The following AKAP3 variants were observed in gnomAD, a reference collection of about 807,000 sequenced individuals.
The protein encoded by AKAP3 is A-kinase anchoring protein 3.
A neutral mutation model predicts 57.2 loss-of-function variants in AKAP3; 27 were observed. That is an observed-to-expected ratio of 0.47 (90% CI 0.35 to 0.65). The LOEUF (loss-of-function observed/expected upper bound fraction) is 0.65. AKAP3 is among the 30% of genes least tolerant of loss of function. AKAP3 has a pLI of 0.01. For synonymous variants in AKAP3, 334 were observed against 392.3 expected, an observed-to-expected ratio of 0.85 and a Z score of 1.76; for missense variants, 959 against 1,040.0, an observed-to-expected ratio of 0.92 and a Z score of 1.07.
At chr12:4,616,820 C>T (rs1291118982) in intron 5 of AKAP3, among the ~76,000 whole-genome samples, 1 of 151,898 alleles carries the variant, frequency 6.6e-6, no homozygotes, top group Non-Finnish European at 1.5e-5. Context: ...TAAACAGAGC[C>T]CAAGGACTTG....
Position 4,628,379 on chromosome 12 carries a change from CTA to C in AKAP3, c.521_522del (p.Ile174SerfsTer7), listed in dbSNP as rs1469489647. On this transcript the variant is annotated frameshift_variant, in exon 5 of 6. Coordinates refer to ENST00000228850, the MANE Select transcript of AKAP3 (RefSeq NM_001278309.2). LOFTEE classifies it high-confidence loss of function. ...ACGGTCTCATTCACAAGCTCTGATG[CTA>C]TCTTACTGAGGCTTTTGGTGGGTGT... Reference protein sequence around the residue: ...EPTPTKSLSKIASELVNETVS... With the variant: ...EPTPTKSLSKXASELVNETVS... 1 of 1,614,194 alleles carries C rather than the reference CTA, an allele frequency of 6.2e-7. No individual in the cohort carries two copies. Among genetic ancestry groups the C allele is most frequent in the Non-Finnish European group, 8.5e-7 (1 of 1,180,022 alleles).
At chr12:4,632,592 C>T (rs542135868) in intron 4 of AKAP3, among the ~76,000 whole-genome samples, 7 of 152,106 alleles carry the variant, frequency 4.6e-5, no homozygotes, top group Non-Finnish European at 8.8e-5. Context: ...GGCTTGACTT[C>T]CTAATCTCAG....
At chr12:4,641,062 CTTTTTTTTTTTT>C (rs374817430) in intron 3 of AKAP3, among the ~76,000 whole-genome samples, 918 of 68,764 alleles carry the variant, frequency 0.013, 19 homozygotes, top group African/African-American at 0.049. Flanking sequence ...TTCTAACTTC[CTTTTTTTTTTTT>C]TTTTTTTTTT....
At chr12:4,622,849 A>G (rs547412672) in intron 5 of AKAP3, among the ~76,000 whole-genome samples, 101 of 152,320 alleles carry the variant, frequency 6.6e-4, no homozygotes, top group Non-Finnish European at 1.0e-4. Context: ...GACAACCTAC[A>G]TAATGGAAGG....
intron 5 of AKAP3, among the ~76,000 whole-genome samples, chr12:4,622,584 G>T (rs150275446): frequency 8.5e-5 from 13 of 152,208 alleles, no homozygotes; most frequent in Non-Finnish European, 1.8e-4. Context: ...ATATACAGAA[G>T]ATTGAAACTG....
At position 4,638,089 on chromosome 12, in the gene AKAP3, G is replaced by A; in HGVS notation, c.96+12C>T. On this transcript the variant is annotated intron_variant, in intron 4 of 5. Coordinates refer to ENST00000228850, the MANE Select transcript of AKAP3 (RefSeq NM_001278309.2). ...TTCTTAACCTAGTGTTTATCAAGAG[G>A]TTGACCCTTACCATTTTCCAGTCCT... 1 of 1,591,112 alleles carries A rather than the reference G, an allele frequency of 6.3e-7. No homozygotes were observed. Among genetic ancestry groups the A allele is most frequent in the Non-Finnish European group, 8.6e-7 (1 of 1,159,150 alleles).
chr12:4,644,030 G>A (rs927442346), intron 2 of AKAP3, among the ~76,000 whole-genome samples: 1 of 152,168 alleles, frequency 6.6e-6, no homozygotes, highest in Non-Finnish European at 1.5e-5. Context: ...CTTCCTTTCT[G>A]TAAGTGCCTG....
intron 4 of AKAP3, among the ~76,000 whole-genome samples, chr12:4,633,967 ATTCTTTTT>A (rs1945532881): frequency 9.5e-6 from 1 of 105,004 alleles, no homozygotes; most frequent in African/African-American, 5.4e-5. Flanking sequence ...ACATATCTAT[ATTCTTTTT>A]TTTTTTTTTT....
At chr12:4,622,806 G>T (rs771479209) in intron 5 of AKAP3, among the ~76,000 whole-genome samples, 1 of 152,040 alleles carries the variant, frequency 6.6e-6, no homozygotes, top group African/African-American at 2.4e-5. Flanking sequence ...AAGAGCTTCT[G>T]CACATCAATA....
At chr12:4,636,855 T>G (rs1192312573) in intron 4 of AKAP3, among the ~76,000 whole-genome samples, 2 of 152,202 alleles carry the variant, frequency 1.3e-5, no homozygotes, top group Non-Finnish European at 2.9e-5. Flanking sequence ...GCTCAAGTGA[T>G]TCTCCTGCCT....
chr12:4,634,720 T>A (rs1945542386), intron 4 of AKAP3, among the ~76,000 whole-genome samples: 2 of 73,160 alleles, frequency 2.7e-5, no homozygotes, highest in Admixed American at 2.1e-4. Context: ...TGCATTTGAT[T>A]TTTTTTTTTA....
intron 4 of AKAP3, among the ~76,000 whole-genome samples, chr12:4,633,143 A>C (rs1171376459): frequency 2.6e-5 from 4 of 151,068 alleles, no homozygotes; most frequent in African/African-American, 9.7e-5. Context: ...AAAAACCCAA[A>C]CCTGTTGGGT....
intron 5 of AKAP3, among the ~76,000 whole-genome samples, chr12:4,626,171 T>C (rs948306305): frequency 2.6e-5 from 4 of 152,180 alleles, no homozygotes; most frequent in Non-Finnish European, 5.9e-5. Flanking sequence ...AATGCTGTCC[T>C]ATCCAAAACT....
chr12:4,632,409 T>C (rs945586169), intron 4 of AKAP3, among the ~76,000 whole-genome samples: 2 of 152,190 alleles, frequency 1.3e-5, no homozygotes, highest in Non-Finnish European at 1.5e-5. Flanking sequence ...TTTTGTGATA[T>C]AGAAAGAGTG....
At chr12:4,619,583 A>T (rs750728358) in intron 5 of AKAP3, among the ~76,000 whole-genome samples, 6 of 151,564 alleles carry the variant, frequency 4.0e-5, no homozygotes, top group Non-Finnish European at 8.8e-5. Flanking sequence ...ACAAAAAAAC[A>T]TAAGAAAAAA....
intron 4 of AKAP3, among the ~76,000 whole-genome samples, chr12:4,636,372 C>T (rs951455574): frequency 2.6e-5 from 4 of 152,192 alleles, no homozygotes. Flanking sequence ...GCTACCCTCA[C>T]CGACATTTCT....
At chr12:4,633,970 CTTTTTT>C (rs59050368) in intron 4 of AKAP3, among the ~76,000 whole-genome samples, 1 of 138,080 alleles carries the variant, frequency 7.2e-6, no homozygotes, top group African/African-American at 2.7e-5. Context: ...TATCTATATT[CTTTTTT>C]TTTTTTTTTT....
At chr12:4,638,303 C>T (rs1945591564) in intron 3 of AKAP3, 107 bp from the exon 4 acceptor site, 9 of 772,032 alleles carry the variant, frequency 1.2e-5, no homozygotes, top group Non-Finnish European at 1.7e-5. Flanking sequence ...TGAACAATGC[C>T]TTCAATAGAG....
intron 5 of AKAP3, among the ~76,000 whole-genome samples, chr12:4,624,822 G>GTGTGTGTGTGTGTGTGTGTA (rs1467904888): frequency 5.0e-4 from 74 of 147,414 alleles, no homozygotes; most frequent in African/African-American, 1.8e-3. Context: ...GTGTGTGTGT[G>GTGTGTGTGTGTGTGTGTGTA]TGTATATAAA....
Sources: gnomAD v4.1 joint callset for allele counts (sites outside exome capture counted in the v4.1 genomes callset) on GRCh38, gnomAD v4.1.1 for gene constraint, MANE v1.5 for transcripts, NCBI Gene and HGNC (gene_info 2026-07-23, HGNC 2026-07-21) for gene names.